Variants in ZNF469 observed in about 807,000 individuals in gnomAD.
ZNF469 encodes the protein zinc finger protein 469.
In ZNF469, 1 loss-of-function variant was observed where a neutral mutation model predicts 1.0. The ratio of observed to expected loss-of-function variants is 1.00; its 90% CI spans 0.35 to 4.73. The LOEUF (loss-of-function observed/expected upper bound fraction) is 4.73. ZNF469 is among the 30% of genes most tolerant of loss of function. ZNF469 has a pLI of 0.16. For synonymous variants in ZNF469, 2,703 were observed against 2,363.4 expected (o/e 1.14, Z -4.17); for missense variants, 6,100 against 5,356.3 (o/e 1.14, Z -4.33).
chr16:88,290,834 C>A, the ZNF469 span, among the ~76,000 whole-genome samples: 6 of 152,332 alleles, frequency 3.9e-5, no homozygotes, highest in South Asian at 1.2e-3. Context: ...ACCCTGATTG[C>A]AAATGACCTA....
the ZNF469 span, among the ~76,000 whole-genome samples, chr16:88,338,490 C>T: frequency 3.9e-4 from 60 of 152,280 alleles, no homozygotes; most frequent in East Asian, 5.8e-3. Flanking sequence ...GTGTTTGCCC[C>T]GCACAAGTAT....
chr16:88,285,663 G>A, the ZNF469 span, among the ~76,000 whole-genome samples: 10 of 152,370 alleles, frequency 6.6e-5, no homozygotes, highest in South Asian at 2.1e-4. Context: ...GCGTCGGCAC[G>A]GTGGGGAGGT....
At chr16:88,335,924 C>G in the ZNF469 span, among the ~76,000 whole-genome samples, 1 of 152,042 alleles carries the variant, frequency 6.6e-6, no homozygotes, top group Non-Finnish European at 1.5e-5. Context: ...CATGCACGTT[C>G]ATCCTTCTCG....
the ZNF469 span, among the ~76,000 whole-genome samples, chr16:88,207,676 T>C: frequency 6.7e-6 from 1 of 149,030 alleles, no homozygotes; most frequent in East Asian, 2.0e-4. Flanking sequence ...CCTGGGAGAG[T>C]CTCCCCGGCC....
At chr16:88,185,769 T>C in the ZNF469 span, among the ~76,000 whole-genome samples, 4 of 32,482 alleles carry the variant, frequency 1.2e-4, no homozygotes, top group African/African-American at 4.9e-4. Flanking sequence ...CACAGACACA[T>C]TCGCACACTC....
At chr16:88,370,713 C>T in the ZNF469 span, among the ~76,000 whole-genome samples, 2 of 152,196 alleles carry the variant, frequency 1.3e-5, no homozygotes, top group East Asian at 1.9e-4. Flanking sequence ...CAATCTATCC[C>T]CTCAGCTTGG....
chr16:88,265,636 TC>T, the ZNF469 span, among the ~76,000 whole-genome samples: 1 of 152,028 alleles, frequency 6.6e-6, no homozygotes, highest in African/African-American at 2.4e-5. Context: ...CTCACTCAGC[TC>T]CCCTCAGCCT....
the ZNF469 span, among the ~76,000 whole-genome samples, chr16:88,256,242 C>G: frequency 2.0e-5 from 3 of 152,236 alleles, no homozygotes; most frequent in African/African-American, 4.8e-5. Context: ...GGCAACCACT[C>G]ATCTTTTGAT....
chr16:88,194,186 C>T, the ZNF469 span: 4 of 152,290 alleles, frequency 2.6e-5, no homozygotes, highest in African/African-American at 9.6e-5. Flanking sequence ...GACTGCAGGC[C>T]TGGAGATGGC....
At chr16:88,221,274 G>A in the ZNF469 span, among the ~76,000 whole-genome samples, 1 of 152,212 alleles carries the variant, frequency 6.6e-6, no homozygotes, top group South Asian at 2.1e-4. Flanking sequence ...CTCATCACCA[G>A]ATCTATAAAA....
the ZNF469 span, among the ~76,000 whole-genome samples, chr16:88,284,360 T>C: frequency 1.3e-5 from 2 of 152,142 alleles, no homozygotes; most frequent in African/African-American, 4.8e-5. Context: ...GATGGTCTCT[T>C]CGACCGAGGG....
the ZNF469 span, among the ~76,000 whole-genome samples, chr16:88,358,832 C>G: frequency 6.6e-6 from 1 of 152,092 alleles, no homozygotes; most frequent in East Asian, 1.9e-4. Flanking sequence ...GATTCTCCTG[C>G]CTCAGCCTCC....
the ZNF469 span, among the ~76,000 whole-genome samples, chr16:88,134,672 C>T: frequency 1.3e-5 from 2 of 152,222 alleles, no homozygotes; most frequent in Non-Finnish European, 2.9e-5. Context: ...TGTGGGTGTG[C>T]CCGCCTCCTC....
At chr16:88,305,961 CAT>C in the ZNF469 span, among the ~76,000 whole-genome samples, 2 of 152,224 alleles carry the variant, frequency 1.3e-5, no homozygotes, top group Non-Finnish European at 2.9e-5. Flanking sequence ...CACTCACATA[CAT>C]GTCCTTACAC....
chr16:88,130,102 G>C, the ZNF469 span, among the ~76,000 whole-genome samples: 1 of 152,172 alleles, frequency 6.6e-6, no homozygotes, highest in African/African-American at 2.4e-5. Context: ...CGGCAGAGTT[G>C]GGCTCAAGGA....
At chr16:88,180,598 C>T in the ZNF469 span, among the ~76,000 whole-genome samples, 3 of 152,046 alleles carry the variant, frequency 2.0e-5, no homozygotes, top group African/African-American at 4.8e-5. Context: ...ATGGTGAAAC[C>T]CTGTCTCTAC....
chr16:88,428,320 A>G lies in ZNF469; in HGVS notation c.850A>G (p.Ser284Gly), dbSNP rs1411871339. The G allele has an allele frequency of 6.5e-7, 1 of 1,550,202 alleles. No individual in the cohort carries two copies. The highest frequency in any genetic ancestry group is 8.7e-7 in the Non-Finnish European group (1 of 1,146,930). ...QFPFPALHGA[S>G]TKPFPADVAG... ...CCCCTTCCCGGCACTGCATGGGGCCAGCACAAAACCCTTCCCTGCGGATGT... is the reference window on the plus strand; with the variant it reads ...CCCCTTCCCGGCACTGCATGGGGCCGGCACAAAACCCTTCCCTGCGGATGT... Residue 284 changes from serine to glycine, a missense_variant, in exon 3 of 3, where the codon AGC (serine) becomes GGC (glycine). Physicochemically the swap from Ser to Gly is moderately conservative, Grantham distance 56. Transcript: ENST00000565624.
At chr16:88,225,054 C>G in the ZNF469 span, among the ~76,000 whole-genome samples, 1 of 152,220 alleles carries the variant, frequency 6.6e-6, no homozygotes, top group Non-Finnish European at 1.5e-5. Context: ...CACTGTACAT[C>G]CTCCTCACTG....
the ZNF469 span, among the ~76,000 whole-genome samples, chr16:88,322,321 T>G: frequency 1.3e-5 from 2 of 152,192 alleles, no homozygotes; most frequent in African/African-American, 4.8e-5. Context: ...AGGAGCCAGC[T>G]CTGCCAGTAC....
Sources: allele counts gnomAD v4.1 joint callset (sites outside exome capture counted in the v4.1 genomes callset), GRCh38; gene constraint gnomAD v4.1.1; transcripts MANE v1.5; gene names NCBI Gene and HGNC (gene_info 2026-07-23, HGNC 2026-07-21).